PLAG1: variants seen among roughly 807,000 people sequenced by gnomAD.
The protein encoded by PLAG1 is zinc finger protein PLAG1.
PLAG1 carries 7 observed loss-of-function variants against 35.5 expected under a neutral mutation model. That is an observed-to-expected ratio of 0.20 (90% CI 0.11 to 0.37). PLAG1 has a LOEUF of 0.37. Ranked by LOEUF, PLAG1 falls within the 10% of genes least tolerant of loss-of-function variation. The pLI, the probability that PLAG1 is intolerant of heterozygous loss-of-function variation, is 1.00. For missense variants in PLAG1, 454 were observed against 602.8 expected (o/e 0.75, Z 2.58); for synonymous variants, 229 against 225.4 (o/e 1.02, Z -0.14).
At chr8:56,187,782 T>C (rs923555249) in intron 1 of PLAG1, among the ~76,000 whole-genome samples, 1 of 152,122 alleles carries the variant, frequency 6.6e-6, no homozygotes, top group South Asian at 2.1e-4. Flanking sequence ...AAAAGTGATA[T>C]TTGGTGAAGT....
chr8:56,202,218 GA>G (rs573138748), intron 1 of PLAG1, among the ~76,000 whole-genome samples: 100 of 152,252 alleles, frequency 6.6e-4, no homozygotes, highest in African/African-American at 2.3e-3. Flanking sequence ...TGTGCAACTT[GA>G]AAAAGATCTA....
chr8:56,183,796 T>C (rs996602662), intron 1 of PLAG1, among the ~76,000 whole-genome samples: 2 of 152,246 alleles, frequency 1.3e-5, no homozygotes, highest in East Asian at 1.9e-4. Context: ...GAAAATGAAA[T>C]TGGAATCACA....
At chr8:56,205,228 AATG>A (rs1554539510) in intron 1 of PLAG1, among the ~76,000 whole-genome samples, 1 of 151,904 alleles carries the variant, frequency 6.6e-6, no homozygotes, top group Non-Finnish European at 1.5e-5. Context: ...TCTGATGAAC[AATG>A]AAGAAAATGA....
At chr8:56,202,283 A>G (rs1812577552) in intron 1 of PLAG1, among the ~76,000 whole-genome samples, 1 of 152,212 alleles carries the variant, frequency 6.6e-6, no homozygotes, top group Non-Finnish European at 1.5e-5. Context: ...TGACTTTTAT[A>G]TTAATTTTAA....
At chr8:56,187,122 T>C (rs915996249) in intron 1 of PLAG1, among the ~76,000 whole-genome samples, 4 of 152,154 alleles carry the variant, frequency 2.6e-5, no homozygotes, top group African/African-American at 4.8e-5. Flanking sequence ...GCCTCCTCCT[T>C]CTTGAAGCTT....
intron 2 of PLAG1, among the ~76,000 whole-genome samples, chr8:56,175,746 A>G (rs564700763): frequency 7.9e-5 from 12 of 152,286 alleles, no homozygotes; most frequent in African/African-American, 2.4e-4. Context: ...AAGTGAGGGG[A>G]AAAATGGCAT....
chr8:56,166,554 G>C lies in PLAG1; in HGVS notation c.1192C>G (p.Leu398Val), dbSNP rs1004492262. The C allele has an allele frequency of 7.4e-6, 12 of 1,613,848 alleles. No individual in the cohort carries two copies. Among genetic ancestry groups the C allele is most frequent in the Non-Finnish European group, 1.0e-5 (12 of 1,179,838 alleles). The change falls in exon 5 of 5, where the codon CTC becomes GTC. Residue 398 changes from leucine to valine, a missense_variant. This residue lies in a region of PLAG1 where 271 missense variants were observed against 315.6 expected (regional missense o/e 0.86). Coordinates refer to ENST00000316981, the MANE Select transcript of PLAG1 (RefSeq NM_002655.3). ...IGSLDDGAGD[L>V]SLSKSSISIS... Reference sequence around the variant, plus strand: ...GAGATAGAGCTTTTGGATAGGGAGAGGTCTCCTGCACCATCATCTAGGGAC... The same window carrying C: ...GAGATAGAGCTTTTGGATAGGGAGACGTCTCCTGCACCATCATCTAGGGAC...
At chr8:56,189,354 C>T (rs1056786766) in intron 1 of PLAG1, among the ~76,000 whole-genome samples, 7 of 152,192 alleles carry the variant, frequency 4.6e-5, no homozygotes, top group South Asian at 2.1e-4. Flanking sequence ...GATATCAGGA[C>T]GCTGCAGTCA....
At chr8:56,173,687 T>C (rs1045925080) in intron 2 of PLAG1, among the ~76,000 whole-genome samples, 1 of 151,786 alleles carries the variant, frequency 6.6e-6, no homozygotes, top group African/African-American at 2.4e-5. Flanking sequence ...AAGTAGAAAA[T>C]ACATACACCC....
intron 1 of PLAG1, among the ~76,000 whole-genome samples, chr8:56,193,206 CAA>C (rs1812239330): frequency 6.6e-6 from 1 of 152,062 alleles, no homozygotes; most frequent in South Asian, 2.1e-4. Context: ...ATAACTGCAT[CAA>C]AAGAGTCTGC....
chr8:56,207,695 C>T (rs1483402209), intron 1 of PLAG1, among the ~76,000 whole-genome samples: 1 of 152,030 alleles, frequency 6.6e-6, no homozygotes, highest in African/African-American at 2.4e-5. Flanking sequence ...ATTTTGACTA[C>T]ACAATATCAT....
chr8:56,208,305 T>C (rs1293362922), intron 1 of PLAG1, among the ~76,000 whole-genome samples: 2 of 151,596 alleles, frequency 1.3e-5, no homozygotes. Flanking sequence ...CATGGAGGAG[T>C]TTCCCTTCTC....
intron 2 of PLAG1, among the ~76,000 whole-genome samples, chr8:56,179,023 C>CAAAAAAAA (rs1173709224): frequency 5.4e-4 from 23 of 42,904 alleles, no homozygotes; most frequent in Middle Eastern, 0.025. Flanking sequence ...GCCCAGGAGA[C>CAAAAAAAA]AAAAAAAAAA....
At chr8:56,174,213 GTAAA>G (rs1459576573) in intron 2 of PLAG1, among the ~76,000 whole-genome samples, 1 of 152,074 alleles carries the variant, frequency 6.6e-6, no homozygotes, top group Non-Finnish European at 1.5e-5. Context: ...TCCATATAGA[GTAAA>G]TAAAGTAGGT....
At chr8:56,181,792 G>GC (rs1811872119) in intron 1 of PLAG1, among the ~76,000 whole-genome samples, 1 of 152,144 alleles carries the variant, frequency 6.6e-6, no homozygotes, top group Non-Finnish European at 1.5e-5. Context: ...CCATAACGTG[G>GC]TATCAGAGTG....
At chr8:56,200,830 T>A (rs1175989406) in intron 1 of PLAG1, among the ~76,000 whole-genome samples, 10 of 152,196 alleles carry the variant, frequency 6.6e-5, no homozygotes, top group Non-Finnish European at 1.5e-4. Flanking sequence ...GTTTTTACTG[T>A]CTTTACCATT....
Position 56,171,148 on chromosome 8 carries a change from C to T in PLAG1, c.-175G>A, listed in dbSNP as rs548232474. 11 of 983,116 alleles carry T rather than the reference C, an allele frequency of 1.1e-5. No individual in the cohort carries two copies. The highest frequency in any genetic ancestry group is 1.1e-4 in the East Asian group (1 of 8,796). 60.9% of individuals were successfully genotyped at this position (983,116 alleles called of 1,614,324 possible). A position where few individuals can be genotyped will look rare whatever the true frequency, so the allele number is the denominator to read the frequency against. On this transcript the variant is annotated 5_prime_UTR_variant, in exon 3 of 5. Coordinates refer to ENST00000316981, the MANE Select transcript of PLAG1 (RefSeq NM_002655.3). ...ATCTTAGCCAGTCCCATTGACTCTTCGTGGAAGAGAGTGGAATCCAATCCT... is the reference window on the plus strand; with the variant it reads ...ATCTTAGCCAGTCCCATTGACTCTTTGTGGAAGAGAGTGGAATCCAATCCT...
At position 56,162,443 on chromosome 8, in the gene PLAG1, CTG is replaced by C. The variant is rs1811229390; in HGVS notation, c.*3798_*3799del. The C allele has an allele frequency of 4.5e-6, 1 of 220,276 alleles. No homozygotes were observed. Among genetic ancestry groups the C allele is most frequent in the Non-Finnish European group, 9.1e-6 (1 of 109,776 alleles). 13.6% of individuals were successfully genotyped at this position (220,276 alleles called of 1,614,324 possible). A position where few individuals can be genotyped will look rare whatever the true frequency, so the allele number is the denominator to read the frequency against. On this transcript the variant is annotated 3_prime_UTR_variant, in exon 5 of 5. Transcript: ENST00000316981. ...AATATAGCAAATTGATAAGAAAACA[CTG>C]TAAAAATGTACCTGTTTAAAATACC...
intron 1 of PLAG1, among the ~76,000 whole-genome samples, chr8:56,206,835 G>A (rs1401029667): frequency 1.3e-5 from 2 of 151,852 alleles, no homozygotes; most frequent in African/African-American, 4.8e-5. Flanking sequence ...TTTAAAAATG[G>A]CTCAAGGGAT....
Sources: gnomAD v4.1 joint callset for allele counts (sites outside exome capture counted in the v4.1 genomes callset) on GRCh38, gnomAD v4.1.1 for gene constraint, gnomAD v4.1.1 regional missense constraint, MANE v1.5 for transcripts, NCBI Gene and HGNC (gene_info 2026-07-23, HGNC 2026-07-21) for gene names.